Variants in SCUBE3 observed in about 807,000 individuals in gnomAD.
SCUBE3 encodes the protein signal peptide, CUB and EGF-like domain-containing protein 3.
Under a neutral mutation model 116.8 loss-of-function variants are expected in SCUBE3, and 33 were observed. The observed-to-expected ratio is 0.28, with a 90% confidence interval of 0.21 to 0.38. SCUBE3 has a LOEUF of 0.38. SCUBE3 is among the 10% of genes least tolerant of loss of function. The pLI is 1.00. For synonymous variants in SCUBE3, 418 were observed against 496.9 expected (o/e 0.84, Z 2.11); for missense variants, 1,007 against 1,324.8 (o/e 0.76, Z 3.72).
Position 35,241,853 on chromosome 6 carries a change from G to C in SCUBE3, c.1360G>C (p.Ala454Pro), listed in dbSNP as rs1450369964. Residue 454 changes from alanine to proline, a missense_variant, in exon 12 of 22, where the codon GCT (alanine) becomes CCT (proline). By Grantham distance (27) the Ala-to-Pro change is conservative. Around this residue, in one of 5 missense-constraint regions of SCUBE3, gnomAD observed 544 missense variants for 638.9 expected, o/e 0.85. Coordinates refer to ENST00000274938, the MANE Select transcript of SCUBE3 (RefSeq NM_152753.4). The surrounding 1 kb of genome is among the most constrained non-coding windows in gnomAD (Gnocchi z 4.1). Reference sequence around the variant, plus strand: ...GAGCTGTGGGACCCCCAGCCCCAGGGCTGCTCCAGCCCGAGCTGGCCACAA... The same window carrying C: ...GAGCTGTGGGACCCCCAGCCCCAGGCCTGCTCCAGCCCGAGCTGGCCACAA... ...TVSCGTPSPR[A>P]APARAGHNGN... 1 of 1,612,736 alleles carries C rather than the reference G, an allele frequency of 6.2e-7. No individual in the cohort carries two copies. Among genetic ancestry groups the C allele is most frequent in the Non-Finnish European group, 8.5e-7 (1 of 1,179,978 alleles).
rs764250739 is a variant in SCUBE3, at chr6:35,242,609, C to G, written c.1535-13C>G. On this transcript the variant is annotated splice_polypyrimidine_tract_variant and intron_variant, in intron 13 of 21. Coordinates refer to ENST00000274938, the MANE Select transcript of SCUBE3 (RefSeq NM_152753.4). Reference sequence around the variant, plus strand: ...AGGGGATGTCCCTGGGGTTGACAAGCCCTCTCTCCCAGGTGGTGCCCCCTG... The same window carrying G: ...AGGGGATGTCCCTGGGGTTGACAAGGCCTCTCTCCCAGGTGGTGCCCCCTG... 1.2e-6 allele frequency: 2 copies of G among 1,600,512 alleles called. No homozygotes were observed. The highest frequency in any genetic ancestry group is 1.1e-5 in the South Asian group (1 of 90,688).
chr6:35,225,134 T>G (rs1783276231), intron 1 of SCUBE3, among the ~76,000 whole-genome samples: 1 of 152,232 alleles, frequency 6.6e-6, no homozygotes, highest in African/African-American at 2.4e-5. Flanking sequence ...TCAAGCTTCC[T>G]GTATTGGGAC....
At chr6:35,225,640 G>A (rs927136903) in intron 1 of SCUBE3, among the ~76,000 whole-genome samples, 2 of 152,136 alleles carry the variant, frequency 1.3e-5, no homozygotes, top group African/African-American at 2.4e-5. Context: ...AGAGCTGAAC[G>A]GAAACCTGTG....
rs767910235 is a variant in SCUBE3 at position 35,235,075 on chromosome 6, C to CT, written c.712+1775dup. 2.0e-5 allele frequency among the ~76,000 whole-genome samples: 3 copies of CT among 152,180 alleles called. No homozygotes were observed. The highest frequency in any genetic ancestry group is 2.9e-5 in the Non-Finnish European group (2 of 68,044). On this transcript the variant is annotated intron_variant, in intron 6 of 21. Coordinates refer to ENST00000274938, the MANE Select transcript of SCUBE3 (RefSeq NM_152753.4). The surrounding 1 kb of genome is among the most constrained non-coding windows in gnomAD (Gnocchi z 4.5). ...AGGACATTCAGATTCGGTGGGAAGA[C>CT]TGAGAAGGCAGTATAGTTTAGCAGA...
At position 35,239,948 on chromosome 6, in the gene SCUBE3, T is replaced by C; in HGVS notation, c.952+74T>C. The stretch of plus-strand genomic sequence containing the variant: ...GAGAGCTTCAAGGAGGCCAGAGGGC[T>C]AAAGTCTTAGAAACTCAATAGATAT... On this transcript the variant is annotated intron_variant, in intron 8 of 21. Coordinates refer to ENST00000274938, the MANE Select transcript of SCUBE3 (RefSeq NM_152753.4). The surrounding 1 kb of genome is among the most constrained non-coding windows in gnomAD (Gnocchi z 4.1). The C allele has an allele frequency of 2.9e-6, 4 of 1,365,022 alleles. No homozygotes were observed. Among genetic ancestry groups the C allele is most frequent in the Non-Finnish European group, 3.9e-6 (4 of 1,014,712 alleles). 84.6% of individuals were successfully genotyped at this position (1,365,022 alleles called of 1,614,324 possible). A position where few individuals can be genotyped will look rare whatever the true frequency, so the allele number is the denominator to read the frequency against.
chr6:35,241,595 C>T lies in SCUBE3; in HGVS notation c.1248C>T (p.Cys416=). The part of the protein sequence containing the change: ...SPGASKAMLS[C]NRSGKKDTCA... The stretch of plus-strand genomic sequence containing the variant: ...GGGCCTCGAAAGCCATGCTCAGCTG[C>T]AACCGGTCTGGCAAGAAGGACACCT... Residue 416 remains cysteine, a synonymous_variant, in exon 11 of 22, where the codon TGC becomes TGT. Coordinates refer to ENST00000274938, the MANE Select transcript of SCUBE3 (RefSeq NM_152753.4). This position sits in a 1 kb window ranked among gnomAD's most constrained non-coding sequence, Gnocchi z 4.1. The T allele has an allele frequency of 6.2e-7, 1 of 1,614,224 alleles. No homozygotes were observed. The highest frequency in any genetic ancestry group is 8.5e-7 in the Non-Finnish European group (1 of 1,180,032).
At chr6:35,237,100 C>G (rs1783808807) in intron 6 of SCUBE3, among the ~76,000 whole-genome samples, 1 of 152,202 alleles carries the variant, frequency 6.6e-6, no homozygotes, top group Admixed American at 6.5e-5. Flanking sequence ...TCTTATCTAG[C>G]TCTGAGGTTC....
chr6:35,246,325 A>G (rs756207599), intron 21 of SCUBE3, 40 bp downstream of exon 21: 1 of 1,423,092 alleles, frequency 7.0e-7, no homozygotes, highest in African/African-American at 1.4e-5. Context: ...AACATTTAAT[A>G]AGCATGTAAC....
intron 7 of SCUBE3, among the ~76,000 whole-genome samples, chr6:35,238,874 G>A (rs1783897357): frequency 6.6e-6 from 1 of 152,094 alleles, no homozygotes; most frequent in African/African-American, 2.4e-5. Flanking sequence ...TGTGTCTTTT[G>A]GCCCAACAGC....
At chr6:35,226,479 C>CTTTTTTT (rs1562044702) in intron 1 of SCUBE3, among the ~76,000 whole-genome samples, 4 of 52,188 alleles carry the variant, frequency 7.7e-5, no homozygotes, top group African/African-American at 1.6e-4. Context: ...TTTTCTATGT[C>CTTTTTTT]CTTTTTTTTT....
rs111914091 is a variant in SCUBE3 at position 35,228,808 on chromosome 6, A to G, written c.334+69A>G. 25 of 1,504,994 alleles carry G rather than the reference A, an allele frequency of 1.7e-5. 1 individual carries two copies. Among genetic ancestry groups the G allele is most frequent in the South Asian group, 1.1e-4 (10 of 87,600 alleles). The allele number at this position is 1,504,994 out of a possible 1,614,324, so 93.2% of individuals were successfully genotyped here. A position where few individuals can be genotyped will look rare whatever the true frequency, so the allele number is the denominator to read the frequency against. Reference sequence around the variant, plus strand: ...GAAAGAGATCTTTTCAGCATTTCCTATTTCCCAGGGAAGGAGGAGAGAGTG... The same window carrying G: ...GAAAGAGATCTTTTCAGCATTTCCTGTTTCCCAGGGAAGGAGGAGAGAGTG... On this transcript the variant is annotated intron_variant, in intron 3 of 21. Transcript: ENST00000274938. This position sits in a 1 kb window ranked among gnomAD's most constrained non-coding sequence, Gnocchi z 4.9.
In SCUBE3 at chr6:35,228,628, G is replaced by A. The variant is rs1014302013; in HGVS notation, c.223G>A (p.Glu75Lys). ...TTTGCCCACAGACGTGGATGAGTGC[G>A]AGCGAGAGGATAATGCAGGTTGTGT... ...GKHCKDVDEC[E>K]REDNAGCVHD... Residue 75 changes from glutamate to lysine, a missense_variant, in exon 3 of 22, where the codon GAG (glutamate) becomes AAG (lysine). Physicochemically the swap from Glu to Lys is moderately conservative, Grantham distance 56. Coordinates refer to ENST00000274938, the MANE Select transcript of SCUBE3 (RefSeq NM_152753.4). The surrounding 1 kb of genome is among the most constrained non-coding windows in gnomAD (Gnocchi z 4.9). 6 of 1,614,062 alleles carry A rather than the reference G, an allele frequency of 3.7e-6. No homozygotes were observed. Among genetic ancestry groups the A allele is most frequent in the Admixed American group, 1.7e-5 (1 of 60,016 alleles).
chr6:35,231,665 G>A lies in SCUBE3; in HGVS notation c.335-60G>A. The A allele has an allele frequency of 2.0e-6, 3 of 1,475,668 alleles. No homozygotes were observed. The highest frequency in any genetic ancestry group is 2.7e-6 in the Non-Finnish European group (3 of 1,091,086). 91.4% of individuals were successfully genotyped at this position (1,475,668 alleles called of 1,614,324 possible). A position where few individuals can be genotyped will look rare whatever the true frequency, so the allele number is the denominator to read the frequency against. Reference sequence around the variant, plus strand: ...AGACTGCCTTTGGTGCTGAAGTCTTGGGATATACCCTGGACCCTGCCTGTA... The same window carrying A: ...AGACTGCCTTTGGTGCTGAAGTCTTAGGATATACCCTGGACCCTGCCTGTA... On this transcript the variant is annotated intron_variant, in intron 3 of 21. Coordinates refer to ENST00000274938, the MANE Select transcript of SCUBE3 (RefSeq NM_152753.4). The surrounding 1 kb of genome is among the most constrained non-coding windows in gnomAD (Gnocchi z 4.2).
rs1302430156 is a variant in SCUBE3 at position 35,239,858 on chromosome 6, T to C, written c.936T>C (p.Asn312=). The C allele has an allele frequency of 3.7e-6, 6 of 1,605,952 alleles. No homozygotes were observed. In the African/African-American group the frequency reaches 6.7e-5, roughly 18 times the overall value. Residue 312 remains asparagine (N), a synonymous_variant, in exon 8 of 22, where the codon AAT becomes AAC. Coordinates refer to ENST00000274938, the MANE Select transcript of SCUBE3 (RefSeq NM_152753.4). The surrounding 1 kb of genome is among the most constrained non-coding windows in gnomAD (Gnocchi z 4.1). ...AGAAAGGCTATAAGCTTCTCATCAA[T>C]GAGAGGAACTGCCAGGGTGAGCAGA... The part of the protein sequence containing the change: ...SCKKGYKLLI[N]ERNCQDIDEC...
intron 1 of SCUBE3, among the ~76,000 whole-genome samples, chr6:35,224,831 A>G (rs1783263536): frequency 6.6e-6 from 1 of 152,012 alleles, no homozygotes; most frequent in African/African-American, 2.4e-5. Context: ...TGGTCAGGGG[A>G]GCAGTTCCAG....
chr6:35,236,398 G>A (rs1783772579), intron 6 of SCUBE3, among the ~76,000 whole-genome samples: 1 of 152,154 alleles, frequency 6.6e-6, no homozygotes, highest in South Asian at 2.1e-4. Flanking sequence ...TAAGATCTCT[G>A]TGCCCCTCCC....
intron 12 of SCUBE3, 36 bp from the exon 13 acceptor site, chr6:35,242,168 A>G: frequency 7.5e-6 from 11 of 1,476,034 alleles, no homozygotes; most frequent in Non-Finnish European, 1.0e-5. Flanking sequence ...CTCCATGGGC[A>G]TCCCATACTG....
intron 12 of SCUBE3, 95 bp from the exon 13 acceptor site, chr6:35,242,108 GC>G: frequency 1.0e-6 from 1 of 953,396 alleles, no homozygotes; most frequent in South Asian, 1.4e-5. Flanking sequence ...CCCCAGCCAA[GC>G]CCCTGGCTTA....
Position 35,245,512 on chromosome 6 carries a change from A to C in SCUBE3, c.2599+87A>C. ...AAAGAGAGAGACTGATACAGGAAGAAATGGGGCAGTGAAGTTAGGGATCTA... is the reference window on the plus strand; with the variant it reads ...AAAGAGAGAGACTGATACAGGAAGACATGGGGCAGTGAAGTTAGGGATCTA... On this transcript the variant is annotated intron_variant, in intron 19 of 21. Transcript: ENST00000274938. The surrounding 1 kb of genome is among the most constrained non-coding windows in gnomAD (Gnocchi z 4.2). 1 of 1,128,762 alleles carries C rather than the reference A, an allele frequency of 8.9e-7. No individual in the cohort carries two copies. The highest frequency in any genetic ancestry group is 1.3e-5 in the South Asian group (1 of 77,566). 69.9% of individuals were successfully genotyped at this position (1,128,762 alleles called of 1,614,324 possible). A position where few individuals can be genotyped will look rare whatever the true frequency, so the allele number is the denominator to read the frequency against.
Sources: allele counts gnomAD v4.1 joint callset (sites outside exome capture counted in the v4.1 genomes callset), GRCh38; gene constraint gnomAD v4.1.1; regional missense constraint gnomAD v4.1.1; non-coding constraint Gnocchi (gnomAD v3.1); transcripts MANE v1.5; gene names NCBI Gene and HGNC (gene_info 2026-07-23, HGNC 2026-07-21).